Variants in PDE4C observed in about 807,000 individuals in gnomAD.
PDE4C encodes phosphodiesterase 4C.
A neutral mutation model predicts 63.9 loss-of-function variants in PDE4C; 50 were observed. The ratio of observed to expected loss-of-function variants is 0.78; its 90% CI spans 0.62 to 0.99. The LOEUF is 0.99. PDE4C is among the 50% of genes least tolerant of loss of function. The pLI, the probability that PDE4C is intolerant of heterozygous loss-of-function variation, is 0.00. For missense variants in PDE4C, 777 were observed against 899.1 expected (o/e 0.86, Z 1.74); for synonymous variants, 377 against 385.1 (o/e 0.98, Z 0.25).
intron 11 of PDE4C, 49 bp from the exon 12 acceptor site, chr19:18,216,944 C>A (rs767925992): frequency 6.5e-7 from 1 of 1,544,658 alleles, no homozygotes; most frequent in African/African-American, 1.4e-5. Context: ...GCCCCACCCA[C>A]TCTACCCAAA....
chr19:18,233,020 C>G, exon 1 of PDE4C: 1 of 1,538,722 alleles, frequency 6.5e-7, no homozygotes, highest in Non-Finnish European at 8.8e-7. Flanking sequence ...AGGTCCCTCT[C>G]GCGGCAGCCC....
chr19:18,210,982 G>A (rs1967902043), exon 15 of PDE4C: 11 of 1,614,126 alleles, frequency 6.8e-6, no homozygotes, highest in Non-Finnish European at 9.3e-6. Context: ...CCGGCTTCAG[G>A]GGACAGGAGT....
At chr19:18,227,331 C>A (rs116933979), upstream of PDE4C, among the ~76,000 whole-genome samples, 1 of 152,104 alleles carries the variant, frequency 6.6e-6, no homozygotes, top group Non-Finnish European at 1.5e-5. Flanking sequence ...CACCCCTCCA[C>A]GCAACTCCCC....
chr19:18,253,466 G>A, the PDE4C span, among the ~76,000 whole-genome samples: 4 of 151,726 alleles, frequency 2.6e-5, no homozygotes, highest in South Asian at 2.1e-4. Flanking sequence ...TGGGAGGATC[G>A]CTTGAGTCCA....
chr19:18,213,264 A>G (rs574514634), intron 13 of PDE4C, 104 bp downstream of exon 13: 1 of 1,063,082 alleles, frequency 9.4e-7, no homozygotes, highest in South Asian at 1.9e-5. Context: ...AGCCTGGGCG[A>G]CAGAGTGAGA....
intron 1 of PDE4C, among the ~76,000 whole-genome samples, chr19:18,223,351 C>T (rs1968575014): frequency 6.6e-6 from 1 of 152,156 alleles, no homozygotes; most frequent in African/African-American, 2.4e-5. Context: ...GCTGGGATTA[C>T]AGGCGTGTGC....
rs1600059969 is a variant in PDE4C, at chr19:18,213,565, C to G, written c.1390-75G>C. The G allele has an allele frequency of 9.3e-6, 14 of 1,502,814 alleles. No individual in the cohort carries two copies. The East Asian group carries it at 3.4e-4, about 37-fold the overall frequency. The allele number at this position is 1,502,814 out of a possible 1,614,324, so 93.1% of individuals were successfully genotyped here. On this transcript the variant is annotated intron_variant, in intron 12 of 14. Transcript: ENST00000262805. ...AACCCTCACTCCCAACTCCCAGATG[C>G]CACTCTGGCTCAGACTCAGCCCTCT...
At chr19:18,224,200 A>C (rs1486416788) in intron 1 of PDE4C, 1 of 985,246 alleles carries the variant, frequency 1.0e-6, no homozygotes, top group Non-Finnish European at 1.2e-6. Context: ...GAAAGGGCGT[A>C]GGGCAAGAAC....
intron 12 of PDE4C, among the ~76,000 whole-genome samples, chr19:18,215,628 A>C (rs111642331): frequency 4.9e-5 from 7 of 143,244 alleles, no homozygotes; most frequent in South Asian, 2.2e-4. Flanking sequence ...GATTCTCCTG[A>C]CTCAGCCTCC....
At chr19:18,237,412 G>A (rs889672072), upstream of PDE4C, among the ~76,000 whole-genome samples, 12 of 152,052 alleles carry the variant, frequency 7.9e-5, no homozygotes, top group South Asian at 2.1e-4. Flanking sequence ...TTAGCCAGGC[G>A]TGGTGGTGCA....
At chr19:18,233,472 C>A (rs193155865) in exon 1 of PDE4C, 1 of 640,504 alleles carries the variant, frequency 1.6e-6, no homozygotes, top group Non-Finnish European at 2.9e-6. Context: ...GACCCCCCCC[C>A]AACACACCAG....
chr19:18,219,287 C>G, exon 8 of PDE4C: 1 of 1,614,212 alleles, frequency 6.2e-7, no homozygotes. Flanking sequence ...GGGACAGTGG[C>G]TGAGGAGAGG....
In PDE4C at chr19:18,220,788, TA is replaced by T; in HGVS notation, c.499+85del. ...GGCGGGGCTACAATTAGCCCCAGTA[TA>T]AGGGGCTCATGGACTGGGGAGGTCA... On this transcript the variant is annotated intron_variant, in intron 5 of 14. Coordinates refer to ENST00000262805, the Ensembl canonical transcript of PDE4C. The surrounding 1 kb of genome is among the most constrained non-coding windows in gnomAD (Gnocchi z 5.1). The T allele has an allele frequency of 1.5e-6, 2 of 1,305,832 alleles. No individual in the cohort carries two copies. The highest frequency in any genetic ancestry group is 2.2e-6 in the Non-Finnish European group (2 of 915,380). 80.9% of individuals were successfully genotyped at this position (1,305,832 alleles called of 1,614,324 possible).
At chr19:18,208,388 G>C (rs984216979), downstream of PDE4C, 1 of 152,270 alleles carries the variant, frequency 6.6e-6, no homozygotes, top group Non-Finnish European at 1.5e-5. Context: ...CAGTCCGCTC[G>C]GAGGCCCGAC....
At chr19:18,244,511 T>C (rs1568269463) in intron 1 of PDE4C, among the ~76,000 whole-genome samples, 1 of 151,990 alleles carries the variant, frequency 6.6e-6, no homozygotes, top group South Asian at 2.1e-4. Flanking sequence ...TGTTGTTGTT[T>C]GTTTTGGTTT....
chr19:18,216,756 C>A, exon 12 of PDE4C: 1 of 1,582,654 alleles, frequency 6.3e-7, no homozygotes, highest in Non-Finnish European at 8.6e-7. Context: ...CAATGACCAT[C>A]CTGCGCAGAC....
At chr19:18,218,763 G>A (rs1968327370) in intron 9 of PDE4C, among the ~76,000 whole-genome samples, 177 bp downstream of exon 9, 1 of 152,132 alleles carries the variant, frequency 6.6e-6, no homozygotes, top group African/African-American at 2.4e-5. Flanking sequence ...GAGGCTTCTG[G>A]ACAACAAACT....
At chr19:18,208,068 A>G (rs1242889405), downstream of PDE4C, 3 of 152,008 alleles carry the variant, frequency 2.0e-5, no homozygotes, top group Non-Finnish European at 4.4e-5. Context: ...GGGGGGAAAA[A>G]TCTTGAAAAA....
At chr19:18,235,187 T>G (rs1968930101), upstream of PDE4C, among the ~76,000 whole-genome samples, 1 of 152,148 alleles carries the variant, frequency 6.6e-6, no homozygotes, top group South Asian at 2.1e-4. Flanking sequence ...GTTTGTTTGT[T>G]TGAGACGGAG....
Sources: allele counts gnomAD v4.1 joint callset (sites outside exome capture counted in the v4.1 genomes callset), GRCh38; gene constraint gnomAD v4.1.1; non-coding constraint Gnocchi (gnomAD v3.1); transcripts MANE v1.5; gene names NCBI Gene and HGNC (gene_info 2026-07-23, HGNC 2026-07-21).